CACUL1: variants seen among roughly 807,000 people sequenced by gnomAD.
CACUL1 encodes the protein CDK2 associated cullin domain 1.
CACUL1 carries 13 observed loss-of-function variants against 45.2 expected under a neutral mutation model. The observed-to-expected ratio is 0.29, with a 90% CI of 0.19 to 0.46. CACUL1 has a LOEUF of 0.46. CACUL1 is among the 20% of genes least tolerant of loss of function. The probability of loss-of-function intolerance (pLI) is 1.00; values close to 1 mark genes in which losing one functional copy is unlikely to be tolerated. For synonymous variants in CACUL1, 197 were observed against 174.2 expected (o/e 1.13, Z -1.03); for missense variants, 421 against 471.4 (o/e 0.89, Z 0.99).
At chr10:118,748,004 G>A (rs1266743787) in intron 1 of CACUL1, among the ~76,000 whole-genome samples, 1 of 152,104 alleles carries the variant, frequency 6.6e-6, no homozygotes, top group Non-Finnish European at 1.5e-5. Flanking sequence ...AGAATCACTT[G>A]AACCCGGGAG....
chr10:118,698,421 G>A (rs1244015025), intron 5 of CACUL1, among the ~76,000 whole-genome samples: 2 of 152,170 alleles, frequency 1.3e-5, no homozygotes, highest in African/African-American at 2.4e-5. Context: ...TGGGATTACA[G>A]GTGTGAGCCA....
intron 3 of CACUL1, among the ~76,000 whole-genome samples, chr10:118,722,097 T>C (rs899924599): frequency 1.4e-4 from 20 of 138,266 alleles, no homozygotes; most frequent in Admixed American, 6.6e-4. Flanking sequence ...TTTTTTTTTT[T>C]CTTGAGACGG....
chr10:118,702,016 G>A (rs1309464919), intron 4 of CACUL1, among the ~76,000 whole-genome samples: 3 of 152,144 alleles, frequency 2.0e-5, no homozygotes, highest in African/African-American at 7.2e-5. Flanking sequence ...ACATCCAGAT[G>A]GCCTAACGCA....
At chr10:118,742,612 C>T (rs977411960) in intron 1 of CACUL1, among the ~76,000 whole-genome samples, 2 of 152,148 alleles carry the variant, frequency 1.3e-5, no homozygotes, top group Admixed American at 6.5e-5. Context: ...GGAGTATGAT[C>T]AATCTGAAAA....
At chr10:118,743,586 G>A (rs1323074539) in intron 1 of CACUL1, among the ~76,000 whole-genome samples, 10 of 151,902 alleles carry the variant, frequency 6.6e-5, no homozygotes, top group East Asian at 1.9e-4. Flanking sequence ...AAAATTAGCC[G>A]GCCATGGTGG....
At chr10:118,748,085 C>CA (rs796805762) in intron 1 of CACUL1, among the ~76,000 whole-genome samples, 191 of 149,582 alleles carry the variant, frequency 1.3e-3, no homozygotes, top group African/African-American at 4.4e-3. Context: ...ATCCCATCTC[C>CA]AAAAAAAAAG....
chr10:118,737,825 G>C (rs1360119127), intron 1 of CACUL1, among the ~76,000 whole-genome samples: 1 of 152,012 alleles, frequency 6.6e-6, no homozygotes, highest in Non-Finnish European at 1.5e-5. Flanking sequence ...TCCTAAAATG[G>C]ACATGTTATG....
At chr10:118,703,819 CATGTTTATAATCTTT>C (rs772090295) in intron 4 of CACUL1, among the ~76,000 whole-genome samples, 14 of 152,086 alleles carry the variant, frequency 9.2e-5, no homozygotes, top group Non-Finnish European at 1.8e-4. Flanking sequence ...GGTATATTTT[CATGTTTATAATCTTT>C]TTTTTCTATG....
At chr10:118,694,736 G>GT (rs1167839655) in intron 6 of CACUL1, among the ~76,000 whole-genome samples, 1 of 152,184 alleles carries the variant, frequency 6.6e-6, no homozygotes, top group Non-Finnish European at 1.5e-5. Flanking sequence ...CAAAATGACT[G>GT]TAACTTTACC....
At chr10:118,712,878 GCAC>G (rs1845502916) in intron 3 of CACUL1, among the ~76,000 whole-genome samples, 1 of 152,218 alleles carries the variant, frequency 6.6e-6, no homozygotes, top group African/African-American at 2.4e-5. Context: ...GCTGGAAAAG[GCAC>G]CACAAGTTCC....
chr10:118,689,407 AG>A (rs1158240406), intron 7 of CACUL1, among the ~76,000 whole-genome samples: 2 of 152,258 alleles, frequency 1.3e-5, no homozygotes, highest in Admixed American at 6.5e-5. Context: ...TGTATAATAA[AG>A]TTTAATTACA....
intron 6 of CACUL1, among the ~76,000 whole-genome samples, chr10:118,691,878 AAAAAAAAAAAAAG>A (rs1845273604): frequency 6.7e-6 from 1 of 150,170 alleles, no homozygotes; most frequent in African/African-American, 2.4e-5. Flanking sequence ...AAAAAAAAAA[AAAAAAAAAAAAAG>A]AAAAAGAATT....
At chr10:118,714,356 G>T (rs1373454161) in intron 3 of CACUL1, among the ~76,000 whole-genome samples, 1 of 151,732 alleles carries the variant, frequency 6.6e-6, no homozygotes, top group Non-Finnish European at 1.5e-5. Flanking sequence ...TTCATTAGAC[G>T]GTATCAAAAA....
intron 1 of CACUL1, among the ~76,000 whole-genome samples, chr10:118,735,379 G>A (rs1845731196): frequency 6.6e-6 from 1 of 152,130 alleles, no homozygotes. Context: ...TTCTATCAGT[G>A]CCTCAAAAGT....
chr10:118,695,944 T>C (rs1389001282), intron 5 of CACUL1, among the ~76,000 whole-genome samples: 1 of 152,222 alleles, frequency 6.6e-6, no homozygotes, highest in Non-Finnish European at 1.5e-5. Flanking sequence ...TTTTAATTTA[T>C]CTCAAAGAGC....
intron 4 of CACUL1, among the ~76,000 whole-genome samples, chr10:118,703,780 G>T (rs1456891395): frequency 2.6e-5 from 4 of 152,048 alleles, no homozygotes; most frequent in East Asian, 3.8e-4. Flanking sequence ...CGGAAAAAAA[G>T]TTATTTTATT....
Position 118,754,750 on chromosome 10 carries a change from T to G in CACUL1, c.13A>C (p.Met5Leu). The G allele has an allele frequency of 6.3e-7, 1 of 1,590,438 alleles. No homozygotes were observed. Among genetic ancestry groups the G allele is most frequent in the South Asian group, 1.1e-5 (1 of 88,710 alleles). The change falls in exon 1 of 9, where the codon ATG (methionine) becomes CTG (leucine). Residue 5 changes from methionine to leucine, a missense_variant. This residue lies in a region of CACUL1 where 213 missense variants were observed against 173.1 expected (regional missense o/e 1.23). Transcript: ENST00000369151. MEESMEEEEGGSYEA... is the reference protein window; with the variant it reads MEESLEEEEGGSYEA... Reference sequence around the variant, plus strand: ...TAGCTGCCCCCCTCCTCCTCTTCCATGCTTTCCTCCATCCTGCTGGCCCCC... The same window carrying G: ...TAGCTGCCCCCCTCCTCCTCTTCCAGGCTTTCCTCCATCCTGCTGGCCCCC...
At position 118,685,788 on chromosome 10, in the gene CACUL1, TCTGCTCTTATATTTTTGGAGGAAG is replaced by T; in HGVS notation, c.*316_*339del. On this transcript the variant is annotated 3_prime_UTR_variant, in exon 9 of 9. Coordinates refer to ENST00000369151, the MANE Select transcript of CACUL1 (RefSeq NM_153810.5). ...AACAAGTGCTTAAAAAAAAAATTCTTCTGCTCTTATATTTTTGGAGGAAGCTGCTGATTTTGGCTGTCAGATTTC... is the reference window on the plus strand; with the variant it reads ...AACAAGTGCTTAAAAAAAAAATTCTTCTGCTGATTTTGGCTGTCAGATTTC... 5.2e-6 allele frequency: 1 copy of T among 191,906 alleles called. No homozygotes were observed. The highest frequency in any genetic ancestry group is 1.1e-5 in the Non-Finnish European group (1 of 94,124). The allele number at this position is 191,906 out of a possible 1,614,324, so 11.9% of individuals were successfully genotyped here.
Position 118,683,575 on chromosome 10 carries a change from A to C in CACUL1, c.*2553T>G, listed in dbSNP as rs910206272. Reference sequence around the variant, plus strand: ...CCGGGCGTAGTGGCACGTGCCTGTAATTCCAGCTACTCAGGAGGCCGAGGC... The same window carrying C: ...CCGGGCGTAGTGGCACGTGCCTGTACTTCCAGCTACTCAGGAGGCCGAGGC... On this transcript the variant is annotated 3_prime_UTR_variant, in exon 9 of 9. Coordinates refer to ENST00000369151, the MANE Select transcript of CACUL1 (RefSeq NM_153810.5). 2.6e-5 allele frequency: 4 copies of C among 152,146 alleles called. No homozygotes were observed. Among genetic ancestry groups the C allele is most frequent in the African/African-American group, 9.7e-5 (4 of 41,420 alleles). The allele number at this position is 152,146 out of a possible 1,614,324, so 9.4% of individuals were successfully genotyped here. A position where few individuals can be genotyped will look rare whatever the true frequency, so the allele number is the denominator to read the frequency against.
Sources: allele counts gnomAD v4.1 joint callset (sites outside exome capture counted in the v4.1 genomes callset), GRCh38; gene constraint gnomAD v4.1.1; regional missense constraint gnomAD v4.1.1; transcripts MANE v1.5; gene names NCBI Gene and HGNC (gene_info 2026-07-23, HGNC 2026-07-21).